Variants in RPGRIP1 observed in about 807,000 individuals in gnomAD.
RPGRIP1 encodes X-linked retinitis pigmentosa GTPase regulator-interacting protein 1.
RPGRIP1 carries 128 observed loss-of-function variants against 157.9 expected under a neutral mutation model. The observed-to-expected ratio is 0.81, with a 90% CI of 0.70 to 0.94. The LOEUF (loss-of-function observed/expected upper bound fraction) is 0.94, where lower values mean the gene tolerates loss of function less well. Among genes scored for constraint, RPGRIP1 ranks in the 40% least tolerant of loss-of-function variants. The probability of loss-of-function intolerance (pLI) is 0.00; values close to 1 mark genes in which losing one functional copy is unlikely to be tolerated. For missense variants in RPGRIP1, 1,486 were observed against 1,545.8 expected (o/e 0.96, Z 0.65); for synonymous variants, 554 against 571.6 (o/e 0.97, Z 0.44).
chr14:21,321,460 C>T (rs1283568837), intron 13 of RPGRIP1, 58 bp downstream of exon 13: 8 of 1,569,638 alleles, frequency 5.1e-6, no homozygotes, highest in Non-Finnish European at 6.9e-6. Context: ...GAACCACTCA[C>T]AGGACTGGGA....
rs199982906 is a variant in RPGRIP1, at chr14:21,311,861, T to C, written c.968T>C (p.Leu323Pro). 437 of 1,610,688 alleles carry C rather than the reference T, an allele frequency of 2.7e-4. No homozygotes were observed. Among genetic ancestry groups the C allele is most frequent in the Non-Finnish European group, 3.4e-4 (400 of 1,178,742 alleles). The stretch of plus-strand genomic sequence containing the variant: ...CTGAGTGCAGCCCATGAGGCCCTCC[T>C]CAAGCAAGTGAATGAGCTCAGGGCA... ...GILSAAHEAL[L>P]KQVNELRAEL... The change falls in exon 9 of 25, where the codon CTC (leucine) becomes CCC (proline). Residue 323 changes from leucine to proline, a missense_variant. Leu to Pro is a moderately conservative substitution (Grantham distance 98). Transcript: ENST00000400017.
chr14:21,288,180 CTTTT>C (rs35862339), intron 2 of RPGRIP1, 119 bp downstream of exon 2: 993 of 488,104 alleles, frequency 2.0e-3, no homozygotes, highest in Middle Eastern at 3.9e-3. Flanking sequence ...AGTCTTCTCA[CTTTT>C]TTTTTTTTTT....
chr14:21,335,488 C>T (rs1279953529), intron 21 of RPGRIP1, among the ~76,000 whole-genome samples: 2 of 151,900 alleles, frequency 1.3e-5, no homozygotes, highest in African/African-American at 4.8e-5. Flanking sequence ...AGTTCAGCCT[C>T]AAAGCTCTTT....
chr14:21,308,244 TGA>T (rs1881398671), intron 7 of RPGRIP1, among the ~76,000 whole-genome samples: 1 of 152,238 alleles, frequency 6.6e-6, no homozygotes, highest in African/African-American at 2.4e-5. Flanking sequence ...TTTACAGTCA[TGA>T]TCTTTTTTAA....
chr14:21,295,337 C>G (rs2139146118), intron 3 of RPGRIP1, among the ~76,000 whole-genome samples: 1 of 152,080 alleles, frequency 6.6e-6, no homozygotes, highest in African/African-American at 2.4e-5. Context: ...GTCAAAATTT[C>G]AGAGGAGAAA....
chr14:21,324,597 G>A (rs1017996716), intron 14 of RPGRIP1, 21 bp from the exon 15 acceptor site: 1 of 1,600,512 alleles, frequency 6.2e-7, no homozygotes, highest in Non-Finnish European at 8.5e-7. Flanking sequence ...TAACGGATAG[G>A]CAGCTTTCTT....
chr14:21,346,893 T>A (rs577106033), intron 23 of RPGRIP1, among the ~76,000 whole-genome samples: 138 of 152,230 alleles, frequency 9.1e-4, no homozygotes, highest in Non-Finnish European at 1.2e-3. Flanking sequence ...GCTTTTACTT[T>A]GTCTTTGGTT....
At chr14:21,312,390 A>C (rs1331780775) in intron 9 of RPGRIP1, 43 bp from the exon 10 acceptor site, 2 of 1,397,606 alleles carry the variant, frequency 1.4e-6, no homozygotes, top group East Asian at 4.6e-5. Context: ...GTGCAGGGGA[A>C]TAGATTTTAA....
chr14:21,307,743 A>C lies in RPGRIP1; in HGVS notation c.813A>C (p.Lys271Asn). 6.4e-7 allele frequency: 1 copy of C among 1,560,362 alleles called. No homozygotes were observed. The highest frequency in any genetic ancestry group is 1.2e-5 in the South Asian group (1 of 84,350). The change falls in exon 7 of 25, where the codon AAA (lysine) becomes AAC (asparagine). Residue 271 changes from lysine (K) to asparagine (N), a missense_variant. Coordinates refer to ENST00000400017, the MANE Select transcript of RPGRIP1 (RefSeq NM_020366.4). ...QKAAELRASI[K>N]EKVELIRLKK... is the part of the protein sequence containing the mutation. ...CCTTTCTCTGCAGAGCTTCCATTAA[A>C]GAGAAGGTAGAGCTGATTCGACTTA...
intron 3 of RPGRIP1, among the ~76,000 whole-genome samples, chr14:21,300,506 G>A (rs1880977277): frequency 6.6e-6 from 1 of 152,154 alleles, no homozygotes; most frequent in African/African-American, 2.4e-5. Flanking sequence ...TTATAAAGGA[G>A]TTATCCTTAA....
Position 21,315,456 on chromosome 14 carries a change from G to A in RPGRIP1, c.1152-2240G>A, listed in dbSNP as rs373428092. On this transcript the variant is annotated intron_variant, in intron 10 of 24. Transcript: ENST00000400017. ...CGGGAGGCGGAGCTTGCAGTGAGCC[G>A]AGATCGCGCCACTGCACTCCAGCCT... 8.6e-5 allele frequency among the ~76,000 whole-genome samples: 13 copies of A among 150,886 alleles called. No homozygotes were observed. In the East Asian group the frequency reaches 1.8e-3, roughly 21 times the overall value.
chr14:21,336,801 G>A (rs1442918235), intron 21 of RPGRIP1, among the ~76,000 whole-genome samples: 3 of 152,118 alleles, frequency 2.0e-5, no homozygotes, highest in Non-Finnish European at 2.9e-5. Flanking sequence ...AAAAAAAGCA[G>A]CCAGCTGATC....
chr14:21,318,263 C>T (rs562704701), intron 11 of RPGRIP1: 4 of 336,372 alleles, frequency 1.2e-5, no homozygotes, highest in East Asian at 8.4e-5. Flanking sequence ...TGCACTACCA[C>T]GCCTGGCTAT....
chr14:21,302,603 TC>T lies in RPGRIP1; in HGVS notation c.587+22del. On this transcript the variant is annotated intron_variant, in intron 5 of 24. Transcript: ENST00000400017. Reference sequence around the variant, plus strand: ...GTGAACTGTGAGTTCTTCTCATTTATCCCATGTTGTTATTCCTGCCACTTTA... The same window carrying T: ...GTGAACTGTGAGTTCTTCTCATTTATCCATGTTGTTATTCCTGCCACTTTA... The T allele has an allele frequency of 7.0e-7, 1 of 1,423,668 alleles. No homozygotes were observed. Among genetic ancestry groups the T allele is most frequent in the Non-Finnish European group, 9.6e-7 (1 of 1,037,098 alleles). 88.2% of individuals were successfully genotyped at this position (1,423,668 alleles called of 1,614,324 possible). A position where few individuals can be genotyped will look rare whatever the true frequency, so the allele number is the denominator to read the frequency against.
At chr14:21,312,120 T>TA in intron 9 of RPGRIP1, 150 bp downstream of exon 9, 1 of 755,036 alleles carries the variant, frequency 1.3e-6, no homozygotes, top group Non-Finnish European at 2.2e-6. Context: ...ATTACACCAT[T>TA]AGAGGGAAAG....
chr14:21,327,665 C>T lies in RPGRIP1; in HGVS notation c.2753C>T (p.Ser918Phe), dbSNP rs1279504140. 1 of 1,613,984 alleles carries T rather than the reference C, an allele frequency of 6.2e-7. No individual in the cohort carries two copies. Among genetic ancestry groups the T allele is most frequent in the Admixed American group, 1.7e-5 (1 of 60,020 alleles). Residue 918 changes from serine (S) to phenylalanine (F), a missense_variant, in exon 18 of 25, where the codon TCT becomes TTT. Ser to Phe is a radical substitution (Grantham distance 155). Transcript: ENST00000400017. The part of the protein sequence containing the change: ...LTDPAEKPNG[S>F]IQVQLDWKFP... ...GACCCTGCAGAGAAACCCAACGGAT[C>T]TATTCAAGTGCAACTGGATTGGAAG...
intron 20 of RPGRIP1, among the ~76,000 whole-genome samples, chr14:21,333,255 G>C (rs934595492): frequency 2.6e-5 from 4 of 152,192 alleles, no homozygotes; most frequent in African/African-American, 9.7e-5. Context: ...AGATCTAAGG[G>C]TATTAGGTAA....
At chr14:21,333,924 CTTT>C (rs372543522) in intron 20 of RPGRIP1, among the ~76,000 whole-genome samples, 2 of 130,528 alleles carry the variant, frequency 1.5e-5, no homozygotes, top group Non-Finnish European at 1.6e-5. Flanking sequence ...TTGAGGCCAC[CTTT>C]TTTTTTTTTT....
chr14:21,281,415 G>T (rs952526702), intron 1 of RPGRIP1, among the ~76,000 whole-genome samples: 1 of 152,018 alleles, frequency 6.6e-6, no homozygotes, highest in Non-Finnish European at 1.5e-5. Context: ...TGGCCCAGGC[G>T]TGTTGGCTCA....
Sources: allele counts gnomAD v4.1 joint callset (sites outside exome capture counted in the v4.1 genomes callset), GRCh38; gene constraint gnomAD v4.1.1; transcripts MANE v1.5; gene names NCBI Gene and HGNC (gene_info 2026-07-23, HGNC 2026-07-21).